Variants in ANKFN1 observed in about 807,000 individuals in gnomAD.
ANKFN1 encodes the protein ankyrin repeat and fibronectin type-III domain-containing protein 1.
Under a neutral mutation model 108.7 loss-of-function variants are expected in ANKFN1, and 74 were observed. That is an observed-to-expected ratio of 0.68 (90% CI 0.56 to 0.83). The LOEUF is 0.83. Among genes scored for constraint, ANKFN1 ranks in the 40% least tolerant of loss-of-function variants. The pLI, the probability that ANKFN1 is intolerant of heterozygous loss-of-function variation, is 0.00. For missense variants in ANKFN1, 1,505 were observed against 1,382.3 expected, an observed-to-expected ratio of 1.09 and a Z score of -1.41; for synonymous variants, 547 against 516.2, an observed-to-expected ratio of 1.06 and a Z score of -0.81.
intron 18 of ANKFN1, among the ~76,000 whole-genome samples, chr17:56,484,300 A>C (rs2050793944): frequency 6.6e-6 from 1 of 152,214 alleles, no homozygotes; most frequent in African/African-American, 2.4e-5. Context: ...TGGGAAGCAG[A>C]GGTCAAAAAC....
At chr17:56,209,601 A>C (rs1359365024) in intron 1 of ANKFN1, among the ~76,000 whole-genome samples, 1 of 152,236 alleles carries the variant, frequency 6.6e-6, no homozygotes, top group Non-Finnish European at 1.5e-5. Flanking sequence ...CAGAGGTCAT[A>C]ACCAGATATG....
chr17:56,337,310 A>G (rs556688399), intron 4 of ANKFN1, among the ~76,000 whole-genome samples: 3 of 152,186 alleles, frequency 2.0e-5, no homozygotes, highest in Non-Finnish European at 4.4e-5. Flanking sequence ...TCTAATATTG[A>G]CAATGGGGTA....
intron 3 of ANKFN1, among the ~76,000 whole-genome samples, chr17:56,275,153 C>G (rs1052805171): frequency 7.9e-5 from 12 of 152,152 alleles, no homozygotes; most frequent in African/African-American, 2.9e-4. Context: ...GAAACGGTTG[C>G]TTCCAATTCC....
chr17:56,345,058 G>T (rs989240935), intron 4 of ANKFN1, among the ~76,000 whole-genome samples: 5 of 151,898 alleles, frequency 3.3e-5, no homozygotes, highest in Non-Finnish European at 5.9e-5. Flanking sequence ...CACACCCACC[G>T]ACAGACCCCA....
intron 3 of ANKFN1, among the ~76,000 whole-genome samples, chr17:56,299,914 C>G (rs17213068): frequency 0.088 from 13,334 of 152,254 alleles, 564 homozygotes; most frequent in East Asian, 0.16. Context: ...ATACACACCC[C>G]TCTGAATTCT....
intron 8 of ANKFN1, among the ~76,000 whole-genome samples, chr17:56,397,406 C>A (rs2047619806): frequency 2.0e-5 from 3 of 152,296 alleles, no homozygotes; most frequent in South Asian, 4.2e-4. Context: ...CTGTTCACTG[C>A]CAAAGAACTG....
chr17:56,318,851 G>C (rs1288975553), intron 3 of ANKFN1, among the ~76,000 whole-genome samples: 2 of 152,000 alleles, frequency 1.3e-5, no homozygotes, highest in Non-Finnish European at 2.9e-5. Flanking sequence ...CTGTTCCCAA[G>C]TATCTCAAAT....
chr17:56,158,867 A>C (rs1328509261), intron 1 of ANKFN1, among the ~76,000 whole-genome samples: 1 of 152,168 alleles, frequency 6.6e-6, no homozygotes, highest in African/African-American at 2.4e-5. Flanking sequence ...TTATTACCAT[A>C]TTTCAAGTAG....
In ANKFN1 at chr17:56,477,622, C is replaced by T. The variant is rs773759113; in HGVS notation, c.1908C>T (p.His636=). 14 of 1,612,526 alleles carry T rather than the reference C, an allele frequency of 8.7e-6. No individual in the cohort carries two copies. Among genetic ancestry groups the T allele is most frequent in the South Asian group, 3.3e-5 (3 of 90,772 alleles). ...VTQKLPNILC[H]VKIRENNNIS... ...AAAAGTTGCCCAACATTCTCTGCCACGTGAAGATCCGTGAAAACAATAATA... is the reference window on the plus strand; with the variant it reads ...AAAAGTTGCCCAACATTCTCTGCCATGTGAAGATCCGTGAAAACAATAATA... The change falls in exon 16 of 21, where the codon CAC becomes CAT. Residue 636 remains histidine (H), a synonymous_variant. Transcript: ENST00000682825.
intron 3 of ANKFN1, among the ~76,000 whole-genome samples, chr17:56,248,601 G>A (rs891568873): frequency 1.3e-5 from 2 of 152,120 alleles, no homozygotes; most frequent in African/African-American, 4.8e-5. Context: ...GAGGTGAATC[G>A]AGGCCATGCA....
intron 14 of ANKFN1, among the ~76,000 whole-genome samples, chr17:56,463,347 C>T (rs920558554): frequency 6.6e-6 from 1 of 152,156 alleles, no homozygotes; most frequent in Non-Finnish European, 1.5e-5. Context: ...CCAAAGCCTG[C>T]TTCCTTTCCA....
intron 1 of ANKFN1, among the ~76,000 whole-genome samples, chr17:56,187,523 T>C (rs1263363060): frequency 6.6e-6 from 1 of 152,210 alleles, no homozygotes; most frequent in East Asian, 1.9e-4. Flanking sequence ...TAGAAGACAG[T>C]GTGGTGATTC....
At chr17:56,317,171 G>C (rs920177256) in intron 3 of ANKFN1, among the ~76,000 whole-genome samples, 3 of 152,102 alleles carry the variant, frequency 2.0e-5, no homozygotes, top group African/African-American at 7.2e-5. Flanking sequence ...ATCATAACAT[G>C]TTAGAGCTAG....
Position 56,516,166 on chromosome 17 carries a change from G to A in ANKFN1, c.*4897G>A, listed in dbSNP as rs117936001. On this transcript the variant is annotated 3_prime_UTR_variant, in exon 21 of 21. Coordinates refer to ENST00000682825, the MANE Select transcript of ANKFN1 (RefSeq NM_001370326.1). The stretch of plus-strand genomic sequence containing the variant: ...TTATAGTAAGTCACTCTGAGTCGCT[G>A]TATTGCCTCTTGCCTTGTGAAAATC... Among the ~76,000 whole-genome samples the A allele has an allele frequency of 2.9e-3, 447 of 152,178 alleles. 4 individuals carry two copies. Among genetic ancestry groups the A allele is most frequent in the South Asian group, 0.018 (85 of 4,820 alleles).
At chr17:56,054,682 C>T (rs546974651) in intron 4 of ANKFN1, among the ~76,000 whole-genome samples, 12 of 152,032 alleles carry the variant, frequency 7.9e-5, no homozygotes, top group Middle Eastern at 3.4e-3. Flanking sequence ...GAGTCTGAGG[C>T]GGGTGGATCA....
intron 4 of ANKFN1, among the ~76,000 whole-genome samples, chr17:56,124,613 G>T (rs540128120): frequency 1.3e-5 from 2 of 152,244 alleles, no homozygotes; most frequent in South Asian, 4.1e-4. Context: ...CTAACCTAGG[G>T]TTTGGCCCAC....
chr17:56,299,094 T>TCC (rs1337751818), intron 3 of ANKFN1, among the ~76,000 whole-genome samples: 3 of 152,214 alleles, frequency 2.0e-5, no homozygotes, highest in Admixed American at 6.5e-5. Context: ...CAAGAGAGTC[T>TCC]CAGTCAGAAC....
At chr17:56,334,360 CAAAG>C (rs1471309707) in intron 4 of ANKFN1, among the ~76,000 whole-genome samples, 2 of 151,870 alleles carry the variant, frequency 1.3e-5, no homozygotes, top group African/African-American at 4.8e-5. Context: ...CAAAAAGACA[CAAAG>C]AAACTTTTAA....
intron 2 of ANKFN1, among the ~76,000 whole-genome samples, chr17:56,225,309 G>T (rs1401450225): frequency 7.9e-5 from 12 of 152,060 alleles, no homozygotes; most frequent in Admixed American, 7.9e-4. Flanking sequence ...ACATTAGGAG[G>T]TTCTTGATGC....
Sources: gnomAD v4.1 joint callset for allele counts (sites outside exome capture counted in the v4.1 genomes callset) on GRCh38, gnomAD v4.1.1 for gene constraint, MANE v1.5 for transcripts, NCBI Gene and HGNC (gene_info 2026-07-23, HGNC 2026-07-21) for gene names.